FER: variants seen among roughly 807,000 people sequenced by gnomAD.
FER encodes the protein tyrosine-protein kinase Fer.
Under a neutral mutation model 111.0 loss-of-function variants are expected in FER, and 63 were observed. The ratio of observed to expected loss-of-function variants is 0.57; its 90% CI spans 0.46 to 0.70. The LOEUF (loss-of-function observed/expected upper bound fraction) is 0.70. Ranked by LOEUF, FER falls within the 30% of genes least tolerant of loss-of-function variation. The pLI, the probability that FER is intolerant of heterozygous loss-of-function variation, is 0.00. For synonymous variants in FER, 327 were observed against 313.9 expected (o/e 1.04, Z -0.44); for missense variants, 914 against 954.0 (o/e 0.96, Z 0.55).
chr5:109,130,067 T>TTG (rs1752198068), intron 17 of FER, among the ~76,000 whole-genome samples: 1 of 151,834 alleles, frequency 6.6e-6, no homozygotes, highest in Non-Finnish European at 1.5e-5. Flanking sequence ...TAGGTTTTTT[T>TTG]TTACATTTAT....
chr5:109,147,790 T>TAG (rs141312755), intron 17 of FER, among the ~76,000 whole-genome samples: 1 of 133,040 alleles, frequency 7.5e-6, no homozygotes, highest in Non-Finnish European at 1.6e-5. Context: ...CATATATATA[T>TAG]ATATATATAT....
At chr5:108,957,161 A>C (rs747789353) in intron 12 of FER, among the ~76,000 whole-genome samples, 4 of 151,672 alleles carry the variant, frequency 2.6e-5, no homozygotes, top group Non-Finnish European at 5.9e-5. Context: ...GCGAGAATCA[A>C]ATCAGTGAAT....
chr5:108,835,771 T>C lies in FER; in HGVS notation c.445T>C (p.Ser149Pro), dbSNP rs1156817720. 1 of 1,565,820 alleles carries C rather than the reference T, an allele frequency of 6.4e-7. No individual in the cohort carries two copies. ...TAGACAATTAATAAAAGAAATGAATTCTGCCAAAGAGAAATATAAAGAAGC... is the reference window on the plus strand; with the variant it reads ...TAGACAATTAATAAAAGAAATGAATCCTGCCAAAGAGAAATATAAAGAAGC... The part of the protein sequence containing the change: ...SYRQLIKEMN[S>P]AKEKYKEALA... Residue 149 changes from serine to proline, a missense_variant, in exon 5 of 20, where the codon TCT becomes CCT. Ser to Pro is a moderately conservative substitution (Grantham distance 74). Transcript: ENST00000281092.
intron 9 of FER, chr5:108,894,366 T>C: frequency 1.0e-6 from 1 of 987,156 alleles, no homozygotes; most frequent in African/African-American, 1.7e-5. Context: ...CTGCAAGGGT[T>C]CCTTCCTTGC....
chr5:108,966,665 C>T (rs886511112), intron 13 of FER, among the ~76,000 whole-genome samples: 3 of 151,972 alleles, frequency 2.0e-5, no homozygotes, highest in Admixed American at 1.3e-4. Flanking sequence ...GGATTACAGG[C>T]GTGAGCCACT....
chr5:109,019,745 C>T (rs769509854), intron 13 of FER, among the ~76,000 whole-genome samples: 23 of 151,746 alleles, frequency 1.5e-4, no homozygotes, highest in Non-Finnish European at 2.9e-4. Context: ...GCATTCTTCC[C>T]TGCAATCCCA....
At chr5:109,098,712 T>G (rs1276716396) in intron 16 of FER, among the ~76,000 whole-genome samples, 1 of 151,718 alleles carries the variant, frequency 6.6e-6, no homozygotes, top group African/African-American at 2.4e-5. Flanking sequence ...TTCCGATTTT[T>G]AAGTAAAGCT....
chr5:108,806,274 A>T (rs748471929), intron 3 of FER, among the ~76,000 whole-genome samples: 4 of 152,174 alleles, frequency 2.6e-5, no homozygotes, highest in African/African-American at 4.8e-5. Context: ...ATTTCTGAGG[A>T]TGTGTGGAAA....
chr5:109,037,568 T>C (rs946871668), intron 14 of FER, 90 bp downstream of exon 14: 3 of 1,018,526 alleles, frequency 2.9e-6, no homozygotes, highest in African/African-American at 1.6e-5. Flanking sequence ...GCTTTTCTTA[T>C]ATTGCCACAA....
intron 14 of FER, among the ~76,000 whole-genome samples, chr5:109,037,952 T>C (rs1770628818): frequency 6.6e-6 from 1 of 151,908 alleles, no homozygotes; most frequent in African/African-American, 2.4e-5. Context: ...CATATTTCAA[T>C]CTAAAAATGT....
At chr5:108,824,062 C>T (rs921397302) in intron 3 of FER, among the ~76,000 whole-genome samples, 4 of 152,076 alleles carry the variant, frequency 2.6e-5, no homozygotes, top group Non-Finnish European at 5.9e-5. Context: ...ATTCTTGGTG[C>T]CCTTGTCAAA....
At chr5:108,872,267 T>C in intron 8 of FER, 55 bp downstream of exon 8, 1 of 1,461,398 alleles carries the variant, frequency 6.8e-7, no homozygotes, top group Non-Finnish European at 9.2e-7. Flanking sequence ...ATTGCTTTAT[T>C]GTTGTACTCA....
chr5:108,818,805 T>C (rs1758539250), intron 3 of FER, among the ~76,000 whole-genome samples: 1 of 152,166 alleles, frequency 6.6e-6, no homozygotes, highest in African/African-American at 2.4e-5. Flanking sequence ...TCACAGAGCA[T>C]GTCATATCAA....
At chr5:109,067,314 C>T (rs548668250) in intron 16 of FER, among the ~76,000 whole-genome samples, 4 of 142,292 alleles carry the variant, frequency 2.8e-5, no homozygotes, top group Non-Finnish European at 6.3e-5. Context: ...ACATAGGGGA[C>T]ACCAAAACCG....
At chr5:108,939,936 G>A (rs749950894) in intron 10 of FER, among the ~76,000 whole-genome samples, 22 of 152,040 alleles carry the variant, frequency 1.4e-4, no homozygotes, top group Non-Finnish European at 2.5e-4. Context: ...TTTAGATAAA[G>A]TTGGAAACTT....
At chr5:109,179,913 C>T (rs77461488) in intron 17 of FER, among the ~76,000 whole-genome samples, 13,507 of 152,068 alleles carry the variant, frequency 0.089, 673 homozygotes, top group Middle Eastern at 0.15. Flanking sequence ...ACCAGAAATA[C>T]TTTGGAAGAT....
chr5:108,957,397 A>G (rs748247565), intron 12 of FER, among the ~76,000 whole-genome samples: 2 of 151,664 alleles, frequency 1.3e-5, no homozygotes, highest in South Asian at 2.1e-4. Context: ...CAAAACCACA[A>G]TAAAACATCA....
intron 13 of FER, among the ~76,000 whole-genome samples, chr5:109,008,136 G>A (rs368672884): frequency 6.6e-6 from 1 of 152,010 alleles, no homozygotes. Flanking sequence ...TTATAATCTT[G>A]TACTCACGGA....
chr5:108,881,329 C>G (rs959568569), intron 8 of FER, among the ~76,000 whole-genome samples: 1 of 152,078 alleles, frequency 6.6e-6, no homozygotes, highest in African/African-American at 2.4e-5. Flanking sequence ...ACGTTTTACA[C>G]GGATGGCAGC....
Sources: gnomAD v4.1 joint callset for allele counts (sites outside exome capture counted in the v4.1 genomes callset) on GRCh38, gnomAD v4.1.1 for gene constraint, MANE v1.5 for transcripts, NCBI Gene and HGNC (gene_info 2026-07-23, HGNC 2026-07-21) for gene names.